ERC2: variants seen among roughly 807,000 people sequenced by gnomAD.
ERC2 encodes ERC protein 2.
A neutral mutation model predicts 114.8 loss-of-function variants in ERC2; 42 were observed. That is an observed-to-expected ratio of 0.37 (90% CI 0.29 to 0.47). The LOEUF is 0.47. Among genes scored for constraint, ERC2 ranks in the 20% least tolerant of loss-of-function variants. The pLI is 0.99. For synonymous variants in ERC2, 454 were observed against 425.5 expected (o/e 1.07, Z -0.82); for missense variants, 939 against 1,150.7 (o/e 0.82, Z 2.66).
intron 3 of ERC2, among the ~76,000 whole-genome samples, chr3:56,174,530 T>C (rs2082862729): frequency 6.6e-6 from 1 of 152,218 alleles, no homozygotes; most frequent in Admixed American, 6.5e-5. Context: ...GGGGTAGTTC[T>C]AGACTTTCAG....
intron 13 of ERC2, among the ~76,000 whole-genome samples, chr3:55,892,447 T>C (rs1309914282): frequency 6.6e-6 from 1 of 152,138 alleles, no homozygotes; most frequent in Non-Finnish European, 1.5e-5. Context: ...CACCTGAGCC[T>C]GGGAAGCCAA....
intron 15 of ERC2, among the ~76,000 whole-genome samples, chr3:55,702,485 C>T (rs762081739): frequency 6.6e-6 from 1 of 152,168 alleles, no homozygotes; most frequent in Non-Finnish European, 1.5e-5. Flanking sequence ...CCTATAAAAA[C>T]AGTTTGACCA....
intron 3 of ERC2, among the ~76,000 whole-genome samples, chr3:56,266,376 C>T (rs949519103): frequency 4.6e-5 from 7 of 151,952 alleles, no homozygotes; most frequent in East Asian, 3.9e-4. Context: ...TTGATCCACC[C>T]GCCTCGGCCT....
chr3:56,414,135 C>A lies in ERC2; in HGVS notation c.657+20216G>T, dbSNP rs11925715. ...AAGCAAACAAAGGCAGCTCCTCCCC[C>A]GCAAAGCATGTTCCCTGGAAGGGCC... On this transcript the variant is annotated intron_variant, in intron 2 of 17. Transcript: ENST00000288221. Among the ~76,000 whole-genome samples, 4 of 152,016 alleles carry A rather than the reference C, an allele frequency of 2.6e-5. No individual in the cohort carries two copies. The East Asian group carries it at 5.8e-4, about 22-fold the overall frequency.
intron 3 of ERC2, among the ~76,000 whole-genome samples, chr3:56,261,850 C>T (rs1560480261): frequency 6.6e-6 from 1 of 152,018 alleles, no homozygotes; most frequent in Admixed American, 6.6e-5. Flanking sequence ...TTTCCTGATC[C>T]TCTCCCTCCT....
At chr3:55,857,668 G>T (rs990622969) in intron 14 of ERC2, among the ~76,000 whole-genome samples, 8 of 152,136 alleles carry the variant, frequency 5.3e-5, no homozygotes, top group African/African-American at 1.9e-4. Context: ...GTTCAGTAAA[G>T]GGTAAATGAT....
intron 17 of ERC2, among the ~76,000 whole-genome samples, chr3:55,603,361 G>A (rs1395447213): frequency 2.0e-5 from 3 of 152,158 alleles, no homozygotes; most frequent in Non-Finnish European, 2.9e-5. Context: ...AGCCGGGTGC[G>A]GTGGCTCACG....
At chr3:55,525,076 A>ACC (rs1292840088) in intron 17 of ERC2, among the ~76,000 whole-genome samples, 8 of 152,156 alleles carry the variant, frequency 5.3e-5, no homozygotes, top group Non-Finnish European at 4.4e-5. Context: ...TCCTGACCAA[A>ACC]CCCTGGCACA....
intron 2 of ERC2, among the ~76,000 whole-genome samples, chr3:56,297,358 T>C (rs2055516764): frequency 6.6e-6 from 1 of 152,222 alleles, no homozygotes; most frequent in East Asian, 1.9e-4. Context: ...CCTTTTGTTT[T>C]CCTAAATCTC....
intron 7 of ERC2, among the ~76,000 whole-genome samples, chr3:56,042,551 T>C (rs1315869906): frequency 6.6e-6 from 1 of 152,150 alleles, no homozygotes; most frequent in Non-Finnish European, 1.5e-5. Context: ...CTGTGGAATA[T>C]TTGAGATACT....
At chr3:55,803,826 T>G (rs934414283) in intron 14 of ERC2, among the ~76,000 whole-genome samples, 1 of 152,176 alleles carries the variant, frequency 6.6e-6, no homozygotes, top group African/African-American at 2.4e-5. Flanking sequence ...AGTCTCTTGC[T>G]TTTTAGCAAC....
intron 14 of ERC2, among the ~76,000 whole-genome samples, chr3:55,786,523 C>T (rs181105323): frequency 5.0e-4 from 76 of 152,322 alleles, no homozygotes; most frequent in Non-Finnish European, 8.2e-4. Context: ...AGTGTTGTGA[C>T]ACTTACTATG....
At chr3:55,519,335 G>C (rs183220033) in intron 17 of ERC2, among the ~76,000 whole-genome samples, 1 of 152,296 alleles carries the variant, frequency 6.6e-6, no homozygotes, top group Non-Finnish European at 1.5e-5. Flanking sequence ...CATGAGAAAG[G>C]GGATACTTGA....
At chr3:56,314,390 C>T (rs889569245) in intron 2 of ERC2, among the ~76,000 whole-genome samples, 3 of 151,802 alleles carry the variant, frequency 2.0e-5, no homozygotes, top group Non-Finnish European at 4.4e-5. Context: ...TTAGTAAGTA[C>T]CCTAGCCAAC....
At chr3:55,841,271 T>C (rs2061120197) in intron 14 of ERC2, among the ~76,000 whole-genome samples, 2 of 152,072 alleles carry the variant, frequency 1.3e-5, no homozygotes, top group Admixed American at 1.3e-4. Context: ...TGGTGGGAGG[T>C]AATTGAATCA....
At chr3:55,830,004 A>C (rs532120119) in intron 14 of ERC2, among the ~76,000 whole-genome samples, 1 of 152,322 alleles carries the variant, frequency 6.6e-6, no homozygotes, top group Non-Finnish European at 1.5e-5. Flanking sequence ...AAACAAAAAA[A>C]CCCACCTGCA....
chr3:55,516,116 C>T (rs929873948), intron 17 of ERC2, among the ~76,000 whole-genome samples: 4 of 152,116 alleles, frequency 2.6e-5, no homozygotes, highest in African/African-American at 9.7e-5. Flanking sequence ...AAAAGGCAAG[C>T]CCCTGATAGA....
chr3:56,009,481 T>C (rs114928049), intron 9 of ERC2, among the ~76,000 whole-genome samples: 2,457 of 152,298 alleles, frequency 0.016, 42 homozygotes, highest in Middle Eastern at 0.027. Flanking sequence ...ATTCAGGACT[T>C]TAGTTTGTGT....
At chr3:56,174,860 C>T (rs910137646) in intron 3 of ERC2, among the ~76,000 whole-genome samples, 3 of 151,930 alleles carry the variant, frequency 2.0e-5, no homozygotes, top group Admixed American at 6.6e-5. Flanking sequence ...TGCCTGTAAT[C>T]CCAGCTACTT....
Sources: allele counts gnomAD v4.1 joint callset (sites outside exome capture counted in the v4.1 genomes callset), GRCh38; gene constraint gnomAD v4.1.1; transcripts MANE v1.5; gene names NCBI Gene and HGNC (gene_info 2026-07-23, HGNC 2026-07-21).